PIEZO2: variants seen among roughly 807,000 people sequenced by gnomAD.
PIEZO2 encodes the protein piezo-type mechanosensitive ion channel component 2.
PIEZO2 carries 172 observed loss-of-function variants against 337.3 expected under a neutral mutation model. That is an observed-to-expected ratio of 0.51 (90% CI 0.45 to 0.58). The LOEUF (loss-of-function observed/expected upper bound fraction) is 0.58, where lower values mean the gene tolerates loss of function less well. Among genes scored for constraint, PIEZO2 ranks in the 20% least tolerant of loss-of-function variants. The pLI, the probability that PIEZO2 is intolerant of heterozygous loss-of-function variation, is 0.00. For missense variants in PIEZO2, 3,028 were observed against 3,391.3 expected (o/e 0.89, Z 2.66); for synonymous variants, 1,251 against 1,228.5 (o/e 1.02, Z -0.38).
intron 7 of PIEZO2, among the ~76,000 whole-genome samples, chr18:10,817,206 G>T (rs375005493): frequency 3.3e-4 from 50 of 152,240 alleles, no homozygotes; most frequent in African/African-American, 1.2e-3. Context: ...TCTCATCCCA[G>T]CAAATACCAT....
intron 2 of PIEZO2, among the ~76,000 whole-genome samples, chr18:11,053,699 T>G (rs910108587): frequency 6.6e-6 from 1 of 152,232 alleles, no homozygotes; most frequent in African/African-American, 2.4e-5. Flanking sequence ...CACTATATCA[T>G]AAGTTATAAG....
intron 1 of PIEZO2, among the ~76,000 whole-genome samples, chr18:11,081,469 C>T (rs1598929580): frequency 6.6e-6 from 1 of 152,162 alleles, no homozygotes; most frequent in South Asian, 2.1e-4. Context: ...AAAAATGGAA[C>T]TAAACCATGT....
At chr18:10,874,780 A>AC (rs1409483899) in intron 4 of PIEZO2, among the ~76,000 whole-genome samples, 3 of 152,142 alleles carry the variant, frequency 2.0e-5, no homozygotes, top group African/African-American at 7.2e-5. Flanking sequence ...AGAGGCAGAG[A>AC]ATACAGAGAG....
At position 11,096,565 on chromosome 18, in the gene PIEZO2, G is replaced by C. The variant is rs1346854078; in HGVS notation, c.65-30343C>G. Reference sequence around the variant, plus strand: ...GGCCATTCCCAGTTCTTTTCTGCAGGGATTTCCAAGAGAAACAGGAAGTGG... The same window carrying C: ...GGCCATTCCCAGTTCTTTTCTGCAGCGATTTCCAAGAGAAACAGGAAGTGG... On this transcript the variant is annotated intron_variant, in intron 1 of 55. Coordinates refer to ENST00000674853, the MANE Select transcript of PIEZO2 (RefSeq NM_001378183.1). The surrounding 1 kb of genome is among the most constrained non-coding windows in gnomAD (Gnocchi z 4.6). 6.6e-6 allele frequency among the ~76,000 whole-genome samples: 1 copy of C among 152,058 alleles called. No individual in the cohort carries two copies. Among genetic ancestry groups the C allele is most frequent in the Non-Finnish European group, 1.5e-5 (1 of 68,018 alleles).
At chr18:11,060,071 T>C (rs1055278049) in intron 2 of PIEZO2, among the ~76,000 whole-genome samples, 70 of 152,122 alleles carry the variant, frequency 4.6e-4, no homozygotes, top group African/African-American at 1.6e-3. Context: ...CAGACCACAG[T>C]GCAATCAAAC....
chr18:10,705,883 T>G (rs1025273779), intron 40 of PIEZO2, 137 bp from the exon 41 acceptor site: 2 of 1,131,696 alleles, frequency 1.8e-6, no homozygotes, highest in African/African-American at 3.1e-5. Flanking sequence ...TCTGCTTTGT[T>G]CTTTTAGGAT....
chr18:11,090,852 T>A (rs1380282554), intron 1 of PIEZO2, among the ~76,000 whole-genome samples: 4 of 149,922 alleles, frequency 2.7e-5, no homozygotes, highest in Non-Finnish European at 4.4e-5. Context: ...GGGCAAAGCT[T>A]GCAGTGAGCC....
intron 2 of PIEZO2, among the ~76,000 whole-genome samples, chr18:11,014,888 A>G (rs1172453492): frequency 1.9e-5 from 2 of 106,380 alleles, no homozygotes; most frequent in East Asian, 3.1e-4. Flanking sequence ...CTCATTCCTC[A>G]GTGTGGGGAA....
rs115502005 is a variant in PIEZO2, at chr18:10,895,665, G to C, written c.329+15521C>G. On this transcript the variant is annotated intron_variant, in intron 4 of 55. Transcript: ENST00000674853. The surrounding 1 kb of genome is among the most constrained non-coding windows in gnomAD (Gnocchi z 4.8). Reference sequence around the variant, plus strand: ...GAGTGATCCTCAGTTTAACACCTGGGAAATGGGGCGCTCCCTCTGACCTGC... The same window carrying C: ...GAGTGATCCTCAGTTTAACACCTGGCAAATGGGGCGCTCCCTCTGACCTGC... Among the ~76,000 whole-genome samples, 1,374 of 152,222 alleles carry C rather than the reference G, an allele frequency of 9.0e-3. 24 individuals are homozygous for C. The highest frequency in any genetic ancestry group is 0.032 in the African/African-American group (1,321 of 41,526).
At chr18:11,039,322 A>C (rs1426438227) in intron 2 of PIEZO2, among the ~76,000 whole-genome samples, 1 of 152,234 alleles carries the variant, frequency 6.6e-6, no homozygotes, top group African/African-American at 2.4e-5. Flanking sequence ...GGGGAAAAAC[A>C]GACAAATGGA....
Position 10,855,523 on chromosome 18 carries a change from T to C in PIEZO2, c.747A>G (p.Val249=). ...PSLTSSVYFF[V]FLGLCTWWSW... ...ACCACCAGGTGCACAGACCCAAAAA[T>C]ACAAAAAAATACACAGATGATGTCA... Residue 249 remains valine (V), a synonymous_variant, in exon 7 of 56, where the codon GTA becomes GTG. Coordinates refer to ENST00000674853, the MANE Select transcript of PIEZO2 (RefSeq NM_001378183.1). The surrounding 1 kb of genome is among the most constrained non-coding windows in gnomAD (Gnocchi z 4.9). 6.5e-7 allele frequency: 1 copy of C among 1,536,452 alleles called. No homozygotes were observed. The highest frequency in any genetic ancestry group is 8.7e-7 in the Non-Finnish European group (1 of 1,146,778).
Position 11,143,665 on chromosome 18 carries a change from TCTCTCTCA to T in PIEZO2, c.64+4852_64+4859del, listed in dbSNP as rs2040730957. 6.7e-6 allele frequency among the ~76,000 whole-genome samples: 1 copy of T among 149,326 alleles called. No individual in the cohort carries two copies. Among genetic ancestry groups the T allele is most frequent in the Non-Finnish European group, 1.5e-5 (1 of 67,190 alleles). Reference sequence around the variant, plus strand: ...CTCTCTCTCTCTCTCTCTCTCTCTCTCTCTCTCACTCTCTCTCTCTCACATAATTTGGC... The same window carrying T: ...CTCTCTCTCTCTCTCTCTCTCTCTCTCTCTCTCTCTCTCACATAATTTGGC... On this transcript the variant is annotated intron_variant, in intron 1 of 55. Transcript: ENST00000674853. The surrounding 1 kb of genome is among the most constrained non-coding windows in gnomAD (Gnocchi z 4.9).
Position 11,000,268 on chromosome 18 carries a change from C to T in PIEZO2, c.161-20608G>A, listed in dbSNP as rs544041344. On this transcript the variant is annotated intron_variant, in intron 2 of 55. Transcript: ENST00000674853. ...TCCCCACTGTGCCCCACCTCTAAATCCTTCCTTGCAAAAGCTCAATTTTCT... is the reference window on the plus strand; with the variant it reads ...TCCCCACTGTGCCCCACCTCTAAATTCTTCCTTGCAAAAGCTCAATTTTCT... 2.0e-5 allele frequency among the ~76,000 whole-genome samples: 3 copies of T among 152,336 alleles called. No homozygotes were observed. In the East Asian group the frequency reaches 5.8e-4, roughly 29 times the overall value.
chr18:10,715,901 A>ACATC, intron 37 of PIEZO2, 85 bp from the exon 38 acceptor site: 2 of 1,143,714 alleles, frequency 1.7e-6, no homozygotes, highest in Non-Finnish European at 2.4e-6. Context: ...GTTTTACCAA[A>ACATC]GCTGGACCTG....
intron 2 of PIEZO2, among the ~76,000 whole-genome samples, chr18:11,064,160 A>G (rs180714906): frequency 2.6e-5 from 4 of 152,350 alleles, no homozygotes; most frequent in African/African-American, 7.2e-5. Flanking sequence ...AAGATGCCTC[A>G]AAACACAGAT....
At position 11,094,227 on chromosome 18, in the gene PIEZO2, T is replaced by A. The variant is rs1187610726; in HGVS notation, c.65-28005A>T. Reference sequence around the variant, plus strand: ...ACTGTGATAATTTGATTAGCTCCTTTATGTTCCAGCTTGAACGTATGTATG... The same window carrying A: ...ACTGTGATAATTTGATTAGCTCCTTAATGTTCCAGCTTGAACGTATGTATG... On this transcript the variant is annotated intron_variant, in intron 1 of 55. Transcript: ENST00000674853. The surrounding 1 kb of genome is among the most constrained non-coding windows in gnomAD (Gnocchi z 4.4). 6.6e-6 allele frequency among the ~76,000 whole-genome samples: 1 copy of A among 152,182 alleles called. No homozygotes were observed. The highest frequency in any genetic ancestry group is 1.5e-5 in the Non-Finnish European group (1 of 68,024).
intron 1 of PIEZO2, among the ~76,000 whole-genome samples, chr18:11,081,948 C>T (rs954903900): frequency 4.0e-5 from 6 of 151,748 alleles, no homozygotes; most frequent in African/African-American, 7.3e-5. Flanking sequence ...TTAGTAGAGA[C>T]GGGGTTTCAC....
intron 3 of PIEZO2, among the ~76,000 whole-genome samples, chr18:10,912,975 AAC>A (rs1238920676): frequency 6.6e-6 from 1 of 152,150 alleles, no homozygotes; most frequent in East Asian, 1.9e-4. Context: ...TAAAAAAAAA[AAC>A]ACAGACTTTG....
At chr18:11,142,313 T>C (rs1360446294) in intron 1 of PIEZO2, among the ~76,000 whole-genome samples, 1 of 152,234 alleles carries the variant, frequency 6.6e-6, no homozygotes, top group Non-Finnish European at 1.5e-5. Flanking sequence ...AGATAATCAC[T>C]AGACAGTTAA....
Sources: allele counts gnomAD v4.1 joint callset (sites outside exome capture counted in the v4.1 genomes callset), GRCh38; gene constraint gnomAD v4.1.1; non-coding constraint Gnocchi (gnomAD v3.1); transcripts MANE v1.5; gene names NCBI Gene and HGNC (gene_info 2026-07-23, HGNC 2026-07-21).